Variants in COL27A1 observed in about 807,000 individuals in gnomAD.
The protein encoded by COL27A1 is collagen alpha-1(XXVII) chain.
A neutral mutation model predicts 251.3 loss-of-function variants in COL27A1; 106 were observed. The ratio of observed to expected loss-of-function variants is 0.42; its 90% CI spans 0.36 to 0.50. The LOEUF is 0.50. Among genes scored for constraint, COL27A1 ranks in the 20% least tolerant of loss-of-function variants. The probability of loss-of-function intolerance (pLI) is 0.00; values close to 1 mark genes in which losing one functional copy is unlikely to be tolerated. For missense variants in COL27A1, 2,325 were observed against 2,522.8 expected (o/e 0.92, Z 1.68); for synonymous variants, 1,000 against 986.3 (o/e 1.01, Z -0.26).
intron 5 of COL27A1, among the ~76,000 whole-genome samples, chr9:114,187,247 A>G (rs768891818): frequency 1.7e-4 from 26 of 152,296 alleles, no homozygotes; most frequent in Middle Eastern, 3.4e-3. Context: ...CCAGCCCAGA[A>G]TATTTTAATC....
Position 114,283,772 on chromosome 9 carries a change from T to A in COL27A1, c.3933+10T>A, listed in dbSNP as rs752657028. On this transcript the variant is annotated intron_variant, in intron 40 of 60. Coordinates refer to ENST00000356083, the MANE Select transcript of COL27A1 (RefSeq NM_032888.4). ...ACTGGCTGGTTATGATGTAAGCAGA[T>A]ATCACCTCACCCCACCCCCCGACTC... 7.4e-6 allele frequency: 12 copies of A among 1,613,802 alleles called. No individual in the cohort carries two copies. In the African/African-American group the frequency reaches 1.6e-4, roughly 22 times the overall value.
At chr9:114,172,825 T>G (rs1314292642) in intron 3 of COL27A1, among the ~76,000 whole-genome samples, 1 of 152,120 alleles carries the variant, frequency 6.6e-6, no homozygotes. Flanking sequence ...TGAAGTAATT[T>G]GGGCTATCTT....
chr9:114,306,650 G>A lies in COL27A1; in HGVS notation c.5069G>A (p.Cys1690Tyr). Residue 1690 changes from cysteine to tyrosine, a missense_variant, in exon 58 of 61, where the codon TGC becomes TAC. This residue lies in a region of COL27A1 where 327 missense variants were observed against 442.8 expected (regional missense o/e 0.74). Transcript: ENST00000356083. The part of the protein sequence containing the change: ...LGTKENPARV[C>Y]RDLMDCEQKM... ...ACCAAAGAGAACCCCGCCCGGGTCT[G>A]CAGGGACCTCATGGACTGTGAGCAG... The A allele has an allele frequency of 6.2e-7, 1 of 1,614,182 alleles. No individual in the cohort carries two copies.
chr9:114,223,524 G>A (rs1425104748), intron 14 of COL27A1, among the ~76,000 whole-genome samples: 3 of 152,148 alleles, frequency 2.0e-5, no homozygotes, highest in African/African-American at 7.2e-5. Context: ...TCCTGACTTT[G>A]CTACCTCCTG....
rs542804225 is a variant in COL27A1, at chr9:114,190,113, A to T, written c.2017-4291A>T. On this transcript the variant is annotated intron_variant, in intron 5 of 60. Transcript: ENST00000356083. ...CTGGGGCAGGAGCCAGATTTGACCCATTCCTATCCCTACCATTGTCTCTTG... is the reference window on the plus strand; with the variant it reads ...CTGGGGCAGGAGCCAGATTTGACCCTTTCCTATCCCTACCATTGTCTCTTG... Among the ~76,000 whole-genome samples, 7 of 152,330 alleles carry T rather than the reference A, an allele frequency of 4.6e-5. No individual in the cohort carries two copies. In the South Asian group the frequency reaches 1.4e-3, roughly 32 times the overall value.
intron 1 of COL27A1, among the ~76,000 whole-genome samples, chr9:114,157,049 T>A (rs1291129801): frequency 6.7e-6 from 1 of 150,276 alleles, no homozygotes; most frequent in Non-Finnish European, 1.5e-5. Flanking sequence ...TGTTTGCGAT[T>A]CCCCCGCCCC....
intron 3 of COL27A1, among the ~76,000 whole-genome samples, chr9:114,173,249 G>T (rs1157461950): frequency 6.6e-6 from 1 of 152,260 alleles, no homozygotes; most frequent in African/African-American, 2.4e-5. Flanking sequence ...TTCACGATCA[G>T]GCCACTGGCA....
intron 49 of COL27A1, among the ~76,000 whole-genome samples, chr9:114,294,305 A>G (rs1828126073): frequency 6.6e-6 from 1 of 151,718 alleles, no homozygotes; most frequent in Non-Finnish European, 1.5e-5. Context: ...TTTCCAGAAC[A>G]TTGAAGAGGA....
chr9:114,257,938 C>G (rs1291454158), intron 27 of COL27A1, among the ~76,000 whole-genome samples: 1 of 152,166 alleles, frequency 6.6e-6, no homozygotes, highest in Non-Finnish European at 1.5e-5. Context: ...TGGCTCACAC[C>G]TGTAATCCCA....
chr9:114,188,368 G>A (rs1484901478), intron 5 of COL27A1, among the ~76,000 whole-genome samples: 1 of 152,180 alleles, frequency 6.6e-6, no homozygotes, highest in Non-Finnish European at 1.5e-5. Context: ...TTGGTCCCAA[G>A]TCCAAGCCCT....
chr9:114,231,979 C>T lies in COL27A1; in HGVS notation c.2565+113C>T, dbSNP rs890487647. The T allele has an allele frequency of 1.9e-5, 19 of 1,021,592 alleles. No homozygotes were observed. The African/African-American group carries it at 3.0e-4, about 16-fold the overall frequency. The allele number at this position is 1,021,592 out of a possible 1,614,324, so 63.3% of individuals were successfully genotyped here. On this transcript the variant is annotated intron_variant, in intron 16 of 60. Coordinates refer to ENST00000356083, the MANE Select transcript of COL27A1 (RefSeq NM_032888.4). ...GTCCACTCCCCTGCACTCTTCCTGCCTCTCCTCTGGCCTCCCCTAAATCTG... is the reference window on the plus strand; with the variant it reads ...GTCCACTCCCCTGCACTCTTCCTGCTTCTCCTCTGGCCTCCCCTAAATCTG...
chr9:114,183,621 C>G (rs1828113408), intron 5 of COL27A1, among the ~76,000 whole-genome samples: 1 of 152,000 alleles, frequency 6.6e-6, no homozygotes, highest in Non-Finnish European at 1.5e-5. Flanking sequence ...GTTACAAACA[C>G]CAGACAGTTT....
chr9:114,247,603 C>T (rs1833232984), intron 24 of COL27A1, among the ~76,000 whole-genome samples: 1 of 152,180 alleles, frequency 6.6e-6, no homozygotes, highest in African/African-American at 2.4e-5. Flanking sequence ...GGGAACCTTG[C>T]CTGGAGCAGC....
At position 114,307,779 on chromosome 9, in the gene COL27A1, G is replaced by T; in HGVS notation, c.5217+1G>T. On this transcript the variant is annotated splice_donor_variant, in intron 59 of 60. Transcript: ENST00000356083. LOFTEE classifies it high-confidence loss of function. ...TCTCAAGCCCATCACGGCCTCCAAG[G>T]TACCCATCAGCTCCCACACTGCCCA... The T allele has an allele frequency of 6.2e-7, 1 of 1,609,196 alleles. No homozygotes were observed.
At chr9:114,301,580 AC>A in intron 54 of COL27A1, 101 bp from the exon 55 acceptor site, 2 of 1,525,106 alleles carry the variant, frequency 1.3e-6, no homozygotes, top group Non-Finnish European at 1.8e-6. Context: ...TGCCAGAGGA[AC>A]CATTGTCCCT....
chr9:114,311,567 C>CAAAACA lies in COL27A1; in HGVS notation c.*890_*895dup, dbSNP rs1202540987. 32 of 134,964 alleles carry CAAAACA rather than the reference C, an allele frequency of 2.4e-4. No homozygotes were observed. The highest frequency in any genetic ancestry group is 9.4e-4 in the Admixed American group (13 of 13,858). 8.4% of individuals were successfully genotyped at this position (134,964 alleles called of 1,614,324 possible). A position where few individuals can be genotyped will look rare whatever the true frequency, so the allele number is the denominator to read the frequency against. The stretch of plus-strand genomic sequence containing the variant: ...AAAAAGGAAAAAAAAAAAAAAAAAG[C>CAAAACA]AAAACAAAAACAAAAACAAAAACCC... On this transcript the variant is annotated 3_prime_UTR_variant, in exon 61 of 61. Transcript: ENST00000356083.
intron 34 of COL27A1, among the ~76,000 whole-genome samples, 198 bp downstream of exon 34, chr9:114,267,755 T>A (rs997815033): frequency 1.3e-5 from 2 of 152,070 alleles, no homozygotes; most frequent in South Asian, 2.1e-4. Flanking sequence ...TGCGAGGTAA[T>A]GTTTTTTCGG....
intron 49 of COL27A1, among the ~76,000 whole-genome samples, chr9:114,299,339 G>A (rs1353256972): frequency 6.6e-6 from 1 of 152,228 alleles, no homozygotes; most frequent in African/African-American, 2.4e-5. Context: ...TGAAGGCCAA[G>A]CCCCAAGAAT....
intron 10 of COL27A1, among the ~76,000 whole-genome samples, chr9:114,207,381 T>G (rs12378185): frequency 0.037 from 5,586 of 152,230 alleles, 111 homozygotes; most frequent in Middle Eastern, 0.061. Flanking sequence ...CAGGGTGCTG[T>G]GCCTCTCTTC....
Sources: gnomAD v4.1 joint callset for allele counts (sites outside exome capture counted in the v4.1 genomes callset) on GRCh38, gnomAD v4.1.1 for gene constraint, gnomAD v4.1.1 regional missense constraint, MANE v1.5 for transcripts, NCBI Gene and HGNC (gene_info 2026-07-23, HGNC 2026-07-21) for gene names.